Variants in RNF180 observed in about 807,000 individuals in gnomAD.
RNF180 encodes the protein ring finger protein 180.
In RNF180, 38 loss-of-function variants were observed where a neutral mutation model predicts 59.2. That is an observed-to-expected ratio of 0.64 (90% CI 0.50 to 0.84). The LOEUF is 0.84. Among genes scored for constraint, RNF180 ranks in the 40% least tolerant of loss-of-function variants. The pLI is 0.00. For synonymous variants in RNF180, 262 were observed against 240.3 expected (o/e 1.09, Z -0.84); for missense variants, 705 against 700.9 (o/e 1.01, Z -0.07).
intron 5 of RNF180, among the ~76,000 whole-genome samples, chr5:64,248,659 G>A (rs1354181879): frequency 1.3e-5 from 2 of 152,176 alleles, no homozygotes; most frequent in Non-Finnish European, 2.9e-5. Context: ...CTGTTGGTGG[G>A]AGTGTAAATT....
intron 7 of RNF180, among the ~76,000 whole-genome samples, chr5:64,332,456 T>TAA (rs1744948609): frequency 6.6e-6 from 1 of 152,196 alleles, no homozygotes; most frequent in South Asian, 2.1e-4. Flanking sequence ...GCTTTAGGTC[T>TAA]AAGTTATCAA....
intron 6 of RNF180, among the ~76,000 whole-genome samples, chr5:64,329,462 T>C (rs899657324): frequency 1.3e-5 from 2 of 150,498 alleles, no homozygotes; most frequent in Non-Finnish European, 3.0e-5. Flanking sequence ...TTTTTCTTTT[T>C]TTTTTTTTTT....
chr5:64,293,262 T>C (rs1311579674), intron 5 of RNF180, among the ~76,000 whole-genome samples: 1 of 152,166 alleles, frequency 6.6e-6, no homozygotes, highest in Non-Finnish European at 1.5e-5. Flanking sequence ...GGGGCTGTTG[T>C]CCCACTCTGC....
intron 5 of RNF180, among the ~76,000 whole-genome samples, chr5:64,275,822 A>G (rs990613961): frequency 1.3e-5 from 2 of 151,942 alleles, no homozygotes; most frequent in Admixed American, 6.6e-5. Context: ...GATGTTTACT[A>G]TTTACTCAGT....
At chr5:64,301,701 A>ATGTGTGTGTG (rs3069547) in intron 5 of RNF180, among the ~76,000 whole-genome samples, 7 of 148,712 alleles carry the variant, frequency 4.7e-5, no homozygotes, top group African/African-American at 1.7e-4. Flanking sequence ...CCACATCAGA[A>ATGTGTGTGTG]TGTGTGTGTG....
intron 5 of RNF180, among the ~76,000 whole-genome samples, chr5:64,225,195 G>A (rs1741603576): frequency 1.3e-5 from 2 of 152,242 alleles, no homozygotes; most frequent in Admixed American, 6.5e-5. Context: ...TGCTAGCTGT[G>A]TTTGATGAAT....
chr5:64,368,385 C>T (rs1402225233), intron 7 of RNF180, among the ~76,000 whole-genome samples: 1 of 151,662 alleles, frequency 6.6e-6, no homozygotes, highest in Non-Finnish European at 1.5e-5. Flanking sequence ...AAAATAATTA[C>T]ATTTGATCCC....
intron 1 of RNF180, among the ~76,000 whole-genome samples, chr5:64,176,717 G>T (rs1435908051): frequency 6.6e-6 from 1 of 152,138 alleles, no homozygotes; most frequent in African/African-American, 2.4e-5. Context: ...TACCTGATTA[G>T]TTCACTGATG....
At chr5:64,299,284 T>C (rs1382336988) in intron 5 of RNF180, among the ~76,000 whole-genome samples, 1 of 151,932 alleles carries the variant, frequency 6.6e-6, no homozygotes, top group Non-Finnish European at 1.5e-5. Flanking sequence ...TTTATAATAG[T>C]CTGAGTAGAT....
chr5:64,267,321 T>G (rs905069179), intron 5 of RNF180, among the ~76,000 whole-genome samples: 19 of 152,152 alleles, frequency 1.2e-4, no homozygotes, highest in African/African-American at 4.6e-4. Flanking sequence ...GAAAAAGTTT[T>G]TTTTTCACTT....
chr5:64,313,396 A>G (rs189471459), intron 5 of RNF180, among the ~76,000 whole-genome samples: 23 of 152,166 alleles, frequency 1.5e-4, no homozygotes, highest in Admixed American at 7.2e-4. Context: ...TTTTTAAATG[A>G]GAACATGTGG....
intron 7 of RNF180, among the ~76,000 whole-genome samples, chr5:64,361,301 A>C (rs537159331): frequency 6.6e-6 from 1 of 151,574 alleles, no homozygotes; most frequent in Non-Finnish European, 1.5e-5. Flanking sequence ...GAATTTATCC[A>C]TATGAAGGAA....
At chr5:64,312,676 A>G (rs1743828160) in intron 5 of RNF180, among the ~76,000 whole-genome samples, 1 of 152,022 alleles carries the variant, frequency 6.6e-6, no homozygotes, top group Non-Finnish European at 1.5e-5. Flanking sequence ...AATTATCTCT[A>G]CTTTTCTGTG....
Position 64,254,026 on chromosome 5 carries a change from T to A in RNF180, c.1227+36630T>A, listed in dbSNP as rs561559518. Among the ~76,000 whole-genome samples, 8 of 152,286 alleles carry A rather than the reference T, an allele frequency of 5.3e-5. No homozygotes were observed. The East Asian group carries it at 1.5e-3, about 29-fold the overall frequency. On this transcript the variant is annotated intron_variant, in intron 5 of 7. Transcript: ENST00000389100. ...CTTCTCTAACTTCACATATATGTAA[T>A]GATCACCTAAACATTTGGATATCCT...
chr5:64,220,817 A>G (rs1561198986), intron 5 of RNF180, among the ~76,000 whole-genome samples: 1 of 152,092 alleles, frequency 6.6e-6, no homozygotes. Flanking sequence ...GAAAATTAAA[A>G]TAATTGACCA....
At chr5:64,338,075 C>T (rs970718230) in intron 7 of RNF180, among the ~76,000 whole-genome samples, 6 of 152,226 alleles carry the variant, frequency 3.9e-5, no homozygotes, top group South Asian at 2.1e-4. Context: ...CCTGAGGAAT[C>T]GCCACACTGA....
intron 1 of RNF180, among the ~76,000 whole-genome samples, chr5:64,170,300 T>C (rs1018156174): frequency 6.6e-6 from 1 of 152,242 alleles, no homozygotes; most frequent in Non-Finnish European, 1.5e-5. Context: ...TCCTGTCTTA[T>C]GATACACTCA....
chr5:64,215,547 AGTTTG>A (rs963111801), intron 4 of RNF180, among the ~76,000 whole-genome samples: 2 of 152,072 alleles, frequency 1.3e-5, no homozygotes, highest in African/African-American at 4.8e-5. Flanking sequence ...AACGCATTTC[AGTTTG>A]GTTTGTTTAC....
At chr5:64,345,402 A>G (rs1003818779) in intron 7 of RNF180, among the ~76,000 whole-genome samples, 9 of 152,220 alleles carry the variant, frequency 5.9e-5, no homozygotes, top group African/African-American at 2.2e-4. Flanking sequence ...ACTGGGAAAG[A>G]TAACTATCCA....
Sources: allele counts gnomAD v4.1 joint callset (sites outside exome capture counted in the v4.1 genomes callset), GRCh38; gene constraint gnomAD v4.1.1; transcripts MANE v1.5; gene names NCBI Gene and HGNC (gene_info 2026-07-23, HGNC 2026-07-21).